MDGA2: variants seen among roughly 807,000 people sequenced by gnomAD.
MDGA2 encodes the protein MAM domain containing glycosylphosphatidylinositol anchor 2, also known as MAM domain-containing glycosylphosphatidylinositol anchor protein 2.
MDGA2 carries 40 observed loss-of-function variants against 117.8 expected under a neutral mutation model. That is an observed-to-expected ratio of 0.34 (90% confidence interval 0.26 to 0.44). The LOEUF is 0.44. Ranked by LOEUF, MDGA2 falls within the 20% of genes least tolerant of loss-of-function variation. The probability of loss-of-function intolerance (pLI) is 1.00; values close to 1 mark genes in which losing one functional copy is unlikely to be tolerated. For missense variants in MDGA2, 1,123 were observed against 1,250.6 expected, an observed-to-expected ratio of 0.90 and a Z score of 1.54; for synonymous variants, 452 against 439.0, an observed-to-expected ratio of 1.03 and a Z score of -0.37.
intron 1 of MDGA2, among the ~76,000 whole-genome samples, chr14:47,586,265 A>G (rs752601482): frequency 2.0e-5 from 3 of 151,786 alleles, no homozygotes; most frequent in African/African-American, 4.8e-5. Context: ...CCAACAACAC[A>G]ATGTCTTCAC....
intron 10 of MDGA2, among the ~76,000 whole-genome samples, chr14:46,908,984 G>T (rs953556159): frequency 6.6e-6 from 1 of 152,140 alleles, no homozygotes; most frequent in African/African-American, 2.4e-5. Context: ...CATACAGAAT[G>T]AATTTTAACG....
chr14:47,626,059 C>T (rs567028970), intron 1 of MDGA2, among the ~76,000 whole-genome samples: 28 of 152,304 alleles, frequency 1.8e-4, no homozygotes, highest in South Asian at 8.3e-4. Context: ...CTCACTCATA[C>T]TTAAGTCTCT....
intron 1 of MDGA2, among the ~76,000 whole-genome samples, chr14:47,591,482 A>C (rs1463754969): frequency 3.9e-5 from 6 of 152,124 alleles, no homozygotes. Flanking sequence ...AACCTGGCAG[A>C]GATACAACAA....
At chr14:47,223,747 A>T (rs1886380542) in intron 2 of MDGA2, among the ~76,000 whole-genome samples, 1 of 152,164 alleles carries the variant, frequency 6.6e-6, no homozygotes, top group South Asian at 2.1e-4. Context: ...TCATGCTGCT[A>T]TGAAGAAATA....
At chr14:47,041,999 T>C (rs1015002059) in intron 7 of MDGA2, among the ~76,000 whole-genome samples, 25 of 152,042 alleles carry the variant, frequency 1.6e-4, no homozygotes, top group African/African-American at 6.0e-4. Flanking sequence ...ATAAATAATA[T>C]AATTTTCTTC....
intron 14 of MDGA2, among the ~76,000 whole-genome samples, chr14:46,862,965 A>T (rs1881572080): frequency 6.6e-6 from 1 of 152,086 alleles, no homozygotes; most frequent in African/African-American, 2.4e-5. Context: ...TCTGGTGCAC[A>T]GGTGAATTTG....
chr14:47,429,318 A>T (rs1353789993), intron 1 of MDGA2, among the ~76,000 whole-genome samples: 1 of 152,002 alleles, frequency 6.6e-6, no homozygotes, highest in Admixed American at 6.6e-5. Flanking sequence ...TTATATGTGC[A>T]TATATGTCAA....
chr14:47,503,896 C>T (rs1894456015), intron 1 of MDGA2, among the ~76,000 whole-genome samples: 1 of 152,118 alleles, frequency 6.6e-6, no homozygotes, highest in Non-Finnish European at 1.5e-5. Context: ...TGTGGTTAAC[C>T]TGTATCTAGT....
chr14:47,366,112 A>C (rs778400595), intron 1 of MDGA2, among the ~76,000 whole-genome samples: 1 of 152,154 alleles, frequency 6.6e-6, no homozygotes, highest in East Asian at 1.9e-4. Flanking sequence ...TCTGACTACA[A>C]GGTCTATTCT....
intron 2 of MDGA2, among the ~76,000 whole-genome samples, chr14:47,292,036 G>A (rs142727474): frequency 1.2e-4 from 18 of 152,318 alleles, no homozygotes; most frequent in Admixed American, 1.2e-3. Context: ...GCTAGTGCCA[G>A]GGGTGTGATT....
chr14:47,619,835 G>A (rs568047115), intron 1 of MDGA2, among the ~76,000 whole-genome samples: 8 of 152,176 alleles, frequency 5.3e-5, no homozygotes, highest in Non-Finnish European at 8.8e-5. Flanking sequence ...GATTCTAAAT[G>A]CGATTGAAAT....
chr14:47,591,852 ATTCC>A (rs1896446132), intron 1 of MDGA2, among the ~76,000 whole-genome samples: 1 of 152,152 alleles, frequency 6.6e-6, no homozygotes, highest in African/African-American at 2.4e-5. Context: ...AGCTAAAAGC[ATTCC>A]TTTTGAAAAC....
intron 10 of MDGA2, among the ~76,000 whole-genome samples, chr14:46,916,601 T>G (rs1287529299): frequency 1.3e-5 from 2 of 152,156 alleles, no homozygotes; most frequent in Admixed American, 1.3e-4. Context: ...CCATTTTGCA[T>G]GTAGAGATGT....
chr14:47,539,800 G>A (rs1895300253), intron 1 of MDGA2, among the ~76,000 whole-genome samples: 1 of 152,176 alleles, frequency 6.6e-6, no homozygotes, highest in African/African-American at 2.4e-5. Flanking sequence ...TCATACCACA[G>A]TCAGTGAAAG....
In MDGA2 at chr14:46,884,729, T is replaced by C. The variant is rs1410122073; in HGVS notation, c.2239-2508A>G. ...AAACCACTTGAATTGGAACCTTATATCTTATACATAAAATTCAGTCTCAGG... is the reference window on the plus strand; with the variant it reads ...AAACCACTTGAATTGGAACCTTATACCTTATACATAAAATTCAGTCTCAGG... On this transcript the variant is annotated intron_variant, in intron 10 of 16. Transcript: ENST00000399232. This position sits in a 1 kb window ranked among gnomAD's most constrained non-coding sequence, Gnocchi z 4.1. Among the ~76,000 whole-genome samples, 3 of 152,134 alleles carry C rather than the reference T, an allele frequency of 2.0e-5. No individual in the cohort carries two copies. The highest frequency in any genetic ancestry group is 2.0e-4 in the Admixed American group (3 of 15,258).
At chr14:47,187,146 C>A (rs1001715212) in intron 3 of MDGA2, among the ~76,000 whole-genome samples, 2 of 151,656 alleles carry the variant, frequency 1.3e-5, no homozygotes, top group Non-Finnish European at 2.9e-5. Flanking sequence ...TCTATCAATT[C>A]TCTAGGCATT....
rs1367297026 is a variant in MDGA2, at chr14:47,053,628, T to C, written c.1525+7621A>G. ...ATATATATATATATATATATATATATATATATATATATATATATATATATA... is the reference window on the plus strand; with the variant it reads ...ATATATATATATATATATATATATACATATATATATATATATATATATATA... On this transcript the variant is annotated intron_variant, in intron 7 of 16. Transcript: ENST00000399232. Among the ~76,000 whole-genome samples the C allele has an allele frequency of 3.9e-3, 403 of 102,578 alleles. 12 individuals carry two copies. The highest frequency in any genetic ancestry group is 0.014 in the African/African-American group (385 of 27,898). 67.3% of individuals were successfully genotyped at this position (102,578 alleles called of 152,430 possible).
intron 1 of MDGA2, among the ~76,000 whole-genome samples, chr14:47,564,114 A>G (rs908769314): frequency 6.6e-6 from 1 of 152,166 alleles, no homozygotes; most frequent in South Asian, 2.1e-4. Context: ...TTTTCTGCTA[A>G]AAGGTCCACT....
chr14:46,906,191 G>T (rs768736636), intron 10 of MDGA2, among the ~76,000 whole-genome samples: 28 of 151,712 alleles, frequency 1.8e-4, no homozygotes, highest in Non-Finnish European at 2.9e-4. Context: ...CATTTTTCTT[G>T]CTTTTGAAAT....
Sources: allele counts gnomAD v4.1 joint callset (sites outside exome capture counted in the v4.1 genomes callset), GRCh38; gene constraint gnomAD v4.1.1; non-coding constraint Gnocchi (gnomAD v3.1); transcripts MANE v1.5; gene names NCBI Gene and HGNC (gene_info 2026-07-23, HGNC 2026-07-21).